The following PLEKHA8 variants were observed in gnomAD, a reference collection of about 807,000 sequenced individuals.
PLEKHA8 encodes pleckstrin homology domain-containing family A member 8.
PLEKHA8 carries 36 observed loss-of-function variants against 68.2 expected under a neutral mutation model. The observed-to-expected ratio is 0.53, with a 90% confidence interval of 0.40 to 0.70. The LOEUF is 0.70. Ranked by LOEUF, PLEKHA8 falls within the 30% of genes least tolerant of loss-of-function variation. PLEKHA8 has a pLI of 0.00. For synonymous variants in PLEKHA8, 211 were observed against 216.1 expected, an observed-to-expected ratio of 0.98 and a Z score of 0.20; for missense variants, 505 against 615.4, an observed-to-expected ratio of 0.82 and a Z score of 1.90.
chr7:30,044,088 C>T (rs961288356), intron 1 of PLEKHA8, among the ~76,000 whole-genome samples: 1 of 147,506 alleles, frequency 6.8e-6, no homozygotes, highest in African/African-American at 2.5e-5. Flanking sequence ...CTCACTGCAA[C>T]CTTCGCCTTC....
At chr7:30,090,055 A>G in intron 12 of PLEKHA8, 1 of 1,264,486 alleles carries the variant, frequency 7.9e-7, no homozygotes. Flanking sequence ...GACCAAAAAT[A>G]AAAAGGAACT....
chr7:30,082,822 CAG>C lies in PLEKHA8; in HGVS notation c.*4038_*4039del. ...GAAACATCAGATCAGGCAATAGAGT[CAG>C]AGGGTCATGAGCAATAGACGATGAT... On this transcript the variant is annotated 3_prime_UTR_variant, in exon 14 of 14. Coordinates refer to ENST00000449726, the MANE Select transcript of PLEKHA8 (RefSeq NM_001197026.2). 3 of 985,228 alleles carry C rather than the reference CAG, an allele frequency of 3.0e-6. No individual in the cohort carries two copies. Among genetic ancestry groups the C allele is most frequent in the Non-Finnish European group, 3.6e-6 (3 of 829,902 alleles). 61.0% of individuals were successfully genotyped at this position (985,228 alleles called of 1,614,324 possible).
chr7:30,059,463 A>C (rs992686029), intron 9 of PLEKHA8, among the ~76,000 whole-genome samples: 10 of 151,912 alleles, frequency 6.6e-5, no homozygotes, highest in Non-Finnish European at 1.3e-4. Context: ...GTTTGGATGA[A>C]TTTCATTCAT....
At chr7:30,108,669 A>G (rs1168278673) in intron 13 of PLEKHA8, among the ~76,000 whole-genome samples, 1 of 152,178 alleles carries the variant, frequency 6.6e-6, no homozygotes, top group African/African-American at 2.4e-5. Context: ...TTTAAGTAGA[A>G]TTGTGCATAA....
At chr7:30,048,561 C>A (rs1422674352) in intron 4 of PLEKHA8, among the ~76,000 whole-genome samples, 1 of 152,284 alleles carries the variant, frequency 6.6e-6, no homozygotes, top group Admixed American at 6.5e-5. Context: ...TATTTTAAAA[C>A]ATATATTAAA....
intron 6 of PLEKHA8, chr7:30,050,744 G>C: frequency 4.4e-6 from 1 of 229,584 alleles, no homozygotes; most frequent in Non-Finnish European, 8.2e-6. Context: ...TCTCTAGGGT[G>C]TACTTAAGGT....
chr7:30,058,998 G>A (rs1793220256), intron 9 of PLEKHA8, among the ~76,000 whole-genome samples: 1 of 152,216 alleles, frequency 6.6e-6, no homozygotes, highest in Admixed American at 6.5e-5. Context: ...GCGCAAGCCT[G>A]TAGTCCCAGC....
intron 4 of PLEKHA8, 51 bp downstream of exon 4, chr7:30,048,007 A>G: frequency 9.8e-7 from 1 of 1,015,260 alleles, no homozygotes; most frequent in Non-Finnish European, 1.3e-6. Context: ...ATATAAAAGA[A>G]GTGACTACCA....
At chr7:30,055,211 T>TA in intron 8 of PLEKHA8, 46 bp from the exon 9 acceptor site, 1 of 1,528,090 alleles carries the variant, frequency 6.5e-7, no homozygotes. Flanking sequence ...AGAGTGCTGA[T>TA]ACTGTATTTT....
chr7:30,107,531 A>G (rs184244146), intron 13 of PLEKHA8, among the ~76,000 whole-genome samples: 1 of 152,176 alleles, frequency 6.6e-6, no homozygotes, highest in East Asian at 1.9e-4. Context: ...TAATCTTTAT[A>G]AATTTTATTT....
intron 13 of PLEKHA8, chr7:30,118,144 A>C (rs1796627327): frequency 6.8e-6 from 6 of 884,366 alleles, no homozygotes; most frequent in Non-Finnish European, 7.8e-6. Context: ...CAGGATGCCC[A>C]GCAAGCCCCG....
chr7:30,123,793 C>T (rs1181030053), intron 13 of PLEKHA8, among the ~76,000 whole-genome samples: 1 of 152,158 alleles, frequency 6.6e-6, no homozygotes. Context: ...TTTACCTGGG[C>T]ACCTAGATTT....
exon 13 of PLEKHA8, chr7:30,090,412 G>A: frequency 2.1e-6 from 1 of 469,972 alleles, no homozygotes; most frequent in South Asian, 3.8e-5. Flanking sequence ...AAGCAGGTAA[G>A]AACTCAGAAC....
chr7:30,089,810 A>T (rs1003417720), intron 12 of PLEKHA8, among the ~76,000 whole-genome samples: 3 of 152,128 alleles, frequency 2.0e-5, no homozygotes, highest in African/African-American at 7.2e-5. Context: ...AGCCAGTGAA[A>T]CAACAGAATG....
chr7:30,072,530 G>C (rs1242055320), intron 12 of PLEKHA8, among the ~76,000 whole-genome samples: 1 of 152,248 alleles, frequency 6.6e-6, no homozygotes, highest in Non-Finnish European at 1.5e-5. Context: ...CCACATGGCA[G>C]TGCCATTTTG....
At chr7:30,085,325 C>T (rs992252989), downstream of PLEKHA8, among the ~76,000 whole-genome samples, 1 of 152,146 alleles carries the variant, frequency 6.6e-6, no homozygotes, top group African/African-American at 2.4e-5. Flanking sequence ...TGGCCTTGCC[C>T]TGGGTGTTTT....
chr7:30,101,751 G>A (rs994956324), intron 13 of PLEKHA8, among the ~76,000 whole-genome samples: 26 of 152,116 alleles, frequency 1.7e-4, no homozygotes, highest in African/African-American at 6.3e-4. Context: ...AAAACATTCT[G>A]CGACAAGTTA....
chr7:30,099,250 C>T (rs1386883734), intron 13 of PLEKHA8, among the ~76,000 whole-genome samples: 1 of 152,078 alleles, frequency 6.6e-6, no homozygotes, highest in African/African-American at 2.4e-5. Flanking sequence ...AACAAAACAC[C>T]ACAAACAATG....
chr7:30,108,959 C>T (rs1237436539), intron 13 of PLEKHA8, among the ~76,000 whole-genome samples: 1 of 152,210 alleles, frequency 6.6e-6, no homozygotes, highest in Non-Finnish European at 1.5e-5. Context: ...CATGGTGGCA[C>T]TAGAAGAGCC....
Sources: allele counts gnomAD v4.1 joint callset (sites outside exome capture counted in the v4.1 genomes callset), GRCh38; gene constraint gnomAD v4.1.1; transcripts MANE v1.5; gene names NCBI Gene and HGNC (gene_info 2026-07-23, HGNC 2026-07-21).